Variants in NBAS observed in about 807,000 individuals in gnomAD.
The protein encoded by NBAS is NBAS subunit of NRZ tethering complex.
A neutral mutation model predicts 302.5 loss-of-function variants in NBAS; 219 were observed. The ratio of observed to expected loss-of-function variants is 0.72; its 90% CI spans 0.65 to 0.81. NBAS has a LOEUF of 0.81. Ranked by LOEUF, NBAS falls within the 30% of genes least tolerant of loss-of-function variation. The pLI is 0.00. For missense variants in NBAS, 2,932 were observed against 2,841.6 expected (o/e 1.03, Z -0.72); for synonymous variants, 1,118 against 1,021.6 (o/e 1.09, Z -1.80).
the NBAS span, among the ~76,000 whole-genome samples, chr2:15,072,400 A>C: frequency 3.0e-4 from 45 of 152,340 alleles, no homozygotes; most frequent in African/African-American, 1.1e-3. Flanking sequence ...TGACATATTA[A>C]GTACATGACT....
At chr2:15,493,530 G>A (rs1680949464) in intron 11 of NBAS, among the ~76,000 whole-genome samples, 1 of 152,068 alleles carries the variant, frequency 6.6e-6, no homozygotes, top group Non-Finnish European at 1.5e-5. Flanking sequence ...AGCCAGGCAT[G>A]ATGGCAAGTG....
intron 44 of NBAS, among the ~76,000 whole-genome samples, chr2:15,257,941 G>A (rs1001607027): frequency 2.0e-5 from 3 of 151,996 alleles, no homozygotes; most frequent in Non-Finnish European, 4.4e-5. Context: ...AGTCATCCAA[G>A]AGCACATAAA....
chr2:14,955,545 G>A, the NBAS span, among the ~76,000 whole-genome samples: 1 of 152,300 alleles, frequency 6.6e-6, no homozygotes, highest in African/African-American at 2.4e-5. Context: ...GCCCCTGCAG[G>A]AAACTTCTGT....
intron 21 of NBAS, among the ~76,000 whole-genome samples, chr2:15,449,763 G>C (rs1383220242): frequency 6.6e-6 from 1 of 152,140 alleles, no homozygotes; most frequent in African/African-American, 2.4e-5. Context: ...GTTATTCTTA[G>C]ATTCAGGAAC....
intron 25 of NBAS, among the ~76,000 whole-genome samples, chr2:15,411,780 A>G (rs1211451616): frequency 6.6e-6 from 1 of 152,216 alleles, no homozygotes; most frequent in Non-Finnish European, 1.5e-5. Context: ...TGCTTCTGCT[A>G]ATTTCTAATC....
chr2:14,911,618 G>A, the NBAS span, among the ~76,000 whole-genome samples: 1,418 of 152,226 alleles, frequency 9.3e-3, 15 homozygotes, highest in Non-Finnish European at 0.01. Context: ...CATAAAATAG[G>A]AGTAAGATGT....
chr2:14,933,470 T>G, the NBAS span, among the ~76,000 whole-genome samples: 1 of 152,226 alleles, frequency 6.6e-6, no homozygotes, highest in African/African-American at 2.4e-5. Flanking sequence ...AGGTAACTAA[T>G]TATTAACTGT....
chr2:15,375,095 T>A (rs1674672145), intron 30 of NBAS, among the ~76,000 whole-genome samples: 2 of 152,212 alleles, frequency 1.3e-5, no homozygotes, highest in South Asian at 4.1e-4. Flanking sequence ...GTTCAGATAA[T>A]TTCCAGTTTC....
chr2:15,339,021 A>C (rs543325886), intron 35 of NBAS, among the ~76,000 whole-genome samples: 1 of 152,058 alleles, frequency 6.6e-6, no homozygotes, highest in Non-Finnish European at 1.5e-5. Flanking sequence ...TCTCTAAAAA[A>C]TTTTTTAAAA....
chr2:15,114,964 G>A, the NBAS span, among the ~76,000 whole-genome samples: 1 of 152,356 alleles, frequency 6.6e-6, no homozygotes, highest in South Asian at 2.1e-4. Flanking sequence ...GAATGAGCCT[G>A]AAACTACTTA....
the NBAS span, among the ~76,000 whole-genome samples, chr2:15,034,256 G>GAAAGAAAGAAAC: frequency 3.1e-4 from 30 of 96,456 alleles, 1 homozygote; most frequent in South Asian, 7.7e-3. Context: ...AAGAAAGAAA[G>GAAAGAAAGAAAC]AAAGAAAGAA....
intron 10 of NBAS, among the ~76,000 whole-genome samples, chr2:15,509,601 C>G (rs1662043821): frequency 6.6e-6 from 1 of 152,210 alleles, no homozygotes; most frequent in Non-Finnish European, 1.5e-5. Context: ...ACTATTATTG[C>G]TAAAGATTTC....
chr2:14,948,571 C>A, the NBAS span, among the ~76,000 whole-genome samples: 2 of 151,538 alleles, frequency 1.3e-5, no homozygotes, highest in East Asian at 1.9e-4. Flanking sequence ...CAAGGAAAAC[C>A]ATGAAGCAAT....
At chr2:15,157,634 C>A in the NBAS span, among the ~76,000 whole-genome samples, 4 of 152,154 alleles carry the variant, frequency 2.6e-5, no homozygotes, top group Non-Finnish European at 5.9e-5. Flanking sequence ...TTCCATATTT[C>A]ATCACAAGCT....
chr2:15,038,809 C>T, the NBAS span, among the ~76,000 whole-genome samples: 2 of 152,202 alleles, frequency 1.3e-5, no homozygotes, highest in Non-Finnish European at 2.9e-5. Context: ...CCACTCCATG[C>T]TGCCTGGCCA....
At chr2:14,795,602 A>C in the NBAS span, among the ~76,000 whole-genome samples, 3 of 152,174 alleles carry the variant, frequency 2.0e-5, no homozygotes, top group African/African-American at 7.2e-5. Flanking sequence ...ACTTTATTCA[A>C]GTAAAATCTT....
chr2:15,193,275 C>T (rs924950033), intron 48 of NBAS, among the ~76,000 whole-genome samples: 4 of 152,120 alleles, frequency 2.6e-5, no homozygotes, highest in Non-Finnish European at 4.4e-5. Flanking sequence ...CAGTAACTTA[C>T]ATACTTATCC....
At chr2:15,159,116 G>C in the NBAS span, among the ~76,000 whole-genome samples, 1 of 152,154 alleles carries the variant, frequency 6.6e-6, no homozygotes, top group Non-Finnish European at 1.5e-5. Context: ...GAAGAGAAGA[G>C]GCATCAGAAA....
At chr2:14,951,906 G>A in the NBAS span, among the ~76,000 whole-genome samples, 985 of 152,208 alleles carry the variant, frequency 6.5e-3, 9 homozygotes, top group African/African-American at 0.021. Context: ...TCTACAACCC[G>A]GCTGTCTTCC....
Sources: allele counts gnomAD v4.1 joint callset (sites outside exome capture counted in the v4.1 genomes callset), GRCh38; gene constraint gnomAD v4.1.1; transcripts MANE v1.5; gene names NCBI Gene and HGNC (gene_info 2026-07-23, HGNC 2026-07-21).